The following ARB2A variants were observed in gnomAD, a reference collection of about 807,000 sequenced individuals.
The protein encoded by ARB2A is cotranscriptional regulator ARB2A.
At chr5:93,935,070 T>C in the ARB2A span, among the ~76,000 whole-genome samples, 1 of 152,038 alleles carries the variant, frequency 6.6e-6, no homozygotes, top group African/African-American at 2.4e-5. Context: ...CTTTGGGGAC[T>C]TGGGGCTTGG....
chr5:94,017,832 C>G, the ARB2A span, among the ~76,000 whole-genome samples: 2 of 152,146 alleles, frequency 1.3e-5, no homozygotes, highest in Non-Finnish European at 2.9e-5. Flanking sequence ...TGTCCCCAAC[C>G]AAATCTCAAC....
chr5:93,692,280 C>T, the ARB2A span, among the ~76,000 whole-genome samples: 1 of 152,008 alleles, frequency 6.6e-6, no homozygotes, highest in African/African-American at 2.4e-5. Context: ...TTCGGGAGAC[C>T]CATCTCACGT....
At chr5:93,839,960 C>G in the ARB2A span, among the ~76,000 whole-genome samples, 1 of 151,886 alleles carries the variant, frequency 6.6e-6, no homozygotes, top group African/African-American at 2.4e-5. Flanking sequence ...AATTTTTTCA[C>G]CAAACCAATT....
At chr5:94,095,066 G>A in the ARB2A span, among the ~76,000 whole-genome samples, 3 of 152,176 alleles carry the variant, frequency 2.0e-5, no homozygotes, top group Non-Finnish European at 2.9e-5. Context: ...AAGACAGAGT[G>A]TTCAGAGTTT....
chr5:93,860,149 C>T, the ARB2A span, among the ~76,000 whole-genome samples: 321 of 152,104 alleles, frequency 2.1e-3, 5 homozygotes, highest in African/African-American at 7.4e-3. Flanking sequence ...AAAAATTAGC[C>T]GGGTGTTGTG....
At chr5:93,868,989 TACTC>T in the ARB2A span, among the ~76,000 whole-genome samples, 2 of 152,304 alleles carry the variant, frequency 1.3e-5, no homozygotes, top group South Asian at 2.1e-4. Flanking sequence ...TTAGAGAAAA[TACTC>T]ACTATCGCAA....
chr5:94,069,282 C>G, the ARB2A span, among the ~76,000 whole-genome samples: 1 of 152,102 alleles, frequency 6.6e-6, no homozygotes, highest in African/African-American at 2.4e-5. Context: ...CTATAAAAAT[C>G]AACTCAAGAT....
chr5:93,626,872 T>C, the ARB2A span, among the ~76,000 whole-genome samples: 1 of 152,230 alleles, frequency 6.6e-6, no homozygotes, highest in Admixed American at 6.5e-5. Flanking sequence ...TGACCCTTCC[T>C]TTCCTGAAAG....
At chr5:93,640,661 T>C in the ARB2A span, among the ~76,000 whole-genome samples, 1 of 150,072 alleles carries the variant, frequency 6.7e-6, no homozygotes, top group African/African-American at 2.5e-5. Flanking sequence ...TACATATATA[T>C]ACACACATAT....
the ARB2A span, among the ~76,000 whole-genome samples, chr5:93,880,121 C>T: frequency 1.3e-5 from 2 of 151,710 alleles, no homozygotes; most frequent in South Asian, 2.1e-4. Context: ...AGCGTTCTTG[C>T]TTTTCAAATA....
At chr5:93,902,418 T>C in the ARB2A span, among the ~76,000 whole-genome samples, 1 of 152,108 alleles carries the variant, frequency 6.6e-6, no homozygotes, top group Admixed American at 6.6e-5. Context: ...AGTATGTAGA[T>C]TATTTGTTCT....
the ARB2A span, chr5:93,881,679 CA>C: frequency 6.6e-7 from 1 of 1,523,136 alleles, no homozygotes; most frequent in Non-Finnish European, 8.8e-7. Flanking sequence ...ACTATTACTC[CA>C]TATCCTTCCT....
At chr5:94,055,514 T>G in the ARB2A span, 1 of 449,240 alleles carries the variant, frequency 2.2e-6, no homozygotes, top group South Asian at 9.5e-5. Flanking sequence ...TTCTAACTCT[T>G]ATATCAAATT....
chr5:93,989,039 A>G, the ARB2A span, among the ~76,000 whole-genome samples: 4 of 152,308 alleles, frequency 2.6e-5, no homozygotes, highest in East Asian at 5.8e-4. Flanking sequence ...TTAAAGGGCT[A>G]TTAGTAACAT....
the ARB2A span, among the ~76,000 whole-genome samples, chr5:93,946,663 T>C: frequency 1.0e-3 from 152 of 152,262 alleles, no homozygotes; most frequent in Non-Finnish European, 1.7e-3. Flanking sequence ...CCAAAATGTA[T>C]TGAAAATGAT....
the ARB2A span, among the ~76,000 whole-genome samples, chr5:93,900,901 T>C: frequency 1.3e-5 from 2 of 152,180 alleles, no homozygotes; most frequent in South Asian, 4.1e-4. Context: ...AATCTCACAA[T>C]GGTAATGGTA....
chr5:93,820,495 C>T, the ARB2A span, among the ~76,000 whole-genome samples: 1 of 152,074 alleles, frequency 6.6e-6, no homozygotes, highest in Non-Finnish European at 1.5e-5. Context: ...AAAAATGAGC[C>T]TGAATTTTTT....
chr5:93,750,136 ATTTACAG>A, the ARB2A span, among the ~76,000 whole-genome samples: 2 of 152,222 alleles, frequency 1.3e-5, no homozygotes, highest in South Asian at 4.1e-4. Flanking sequence ...AAGAATAAAT[ATTTACAG>A]TTGTTTCTTG....
the ARB2A span, among the ~76,000 whole-genome samples, chr5:93,715,009 A>G: frequency 6.6e-6 from 1 of 152,200 alleles, no homozygotes; most frequent in African/African-American, 2.4e-5. Flanking sequence ...GTTCTTGCCT[A>G]TATATCCACA....
Sources: allele counts gnomAD v4.1 joint callset (sites outside exome capture counted in the v4.1 genomes callset), GRCh38; gene constraint gnomAD v4.1.1; transcripts MANE v1.5; gene names NCBI Gene and HGNC (gene_info 2026-07-23, HGNC 2026-07-21).